BLTP1: variants seen among roughly 807,000 people sequenced by gnomAD.
BLTP1 encodes the protein bridge-like lipid transfer protein family member 1, also known as fragile site-associated protein.
At chr4:122,290,967 A>C in the BLTP1 span, 3 of 873,714 alleles carry the variant, frequency 3.4e-6, no homozygotes, top group East Asian at 2.5e-4. Context: ...AAAAAAAACA[A>C]GTGTTGTGGA....
At chr4:122,190,250 C>A in the BLTP1 span, 1 of 550,944 alleles carries the variant, frequency 1.8e-6, no homozygotes, top group Non-Finnish European at 2.3e-6. Flanking sequence ...GAATATGCCA[C>A]TATGCCTGAC....
the BLTP1 span, chr4:122,239,691 G>T: frequency 6.2e-7 from 1 of 1,614,128 alleles, no homozygotes. Context: ...GCCTGTAACA[G>T]TTGGAGTCCA....
chr4:122,288,997 TC>T, the BLTP1 span: 10 of 1,337,998 alleles, frequency 7.5e-6, no homozygotes, highest in Admixed American at 2.9e-4. Flanking sequence ...GATAATTATC[TC>T]TTTTTTCCTC....
chr4:122,266,708 C>T, the BLTP1 span: 1 of 1,324,116 alleles, frequency 7.6e-7, no homozygotes, highest in Non-Finnish European at 1.0e-6. Flanking sequence ...ATAAAAGCTG[C>T]ATTTTCCTAC....
the BLTP1 span, chr4:122,350,025 T>G: frequency 6.2e-7 from 1 of 1,613,864 alleles, no homozygotes; most frequent in Admixed American, 1.7e-5. Flanking sequence ...TTCCTTACCT[T>G]CCGCCAAAGA....
chr4:122,325,200 G>C, the BLTP1 span: 1 of 1,560,024 alleles, frequency 6.4e-7, no homozygotes, highest in Middle Eastern at 1.7e-4. Flanking sequence ...TGAGAATATT[G>C]GTGTTTTATA....
At chr4:122,269,136 G>C in the BLTP1 span, 38 of 871,618 alleles carry the variant, frequency 4.4e-5, no homozygotes, top group African/African-American at 5.1e-4. Context: ...ATTTGCAAGA[G>C]ACAGCTTTCA....
chr4:122,260,642 C>T, the BLTP1 span, among the ~76,000 whole-genome samples: 1 of 151,578 alleles, frequency 6.6e-6, no homozygotes, highest in Non-Finnish European at 1.5e-5. Context: ...ATTGGTGCAA[C>T]CTCTTTGAAT....
At chr4:122,254,271 A>T in the BLTP1 span, 1 of 1,613,368 alleles carries the variant, frequency 6.2e-7, no homozygotes, top group East Asian at 2.2e-5. Context: ...TGTAGCATGA[A>T]GTTGACCATT....
At chr4:122,237,534 T>C in the BLTP1 span, 1 of 419,894 alleles carries the variant, frequency 2.4e-6, no homozygotes, top group African/African-American at 2.2e-5. Context: ...TAAATCCGAA[T>C]AGAAGATATA....
the BLTP1 span, chr4:122,286,466 C>G: frequency 4.2e-5 from 66 of 1,577,416 alleles, 1 homozygote; most frequent in Non-Finnish European, 5.0e-5. Context: ...TCTTAGATAC[C>G]CTTTTTGGAA....
chr4:122,219,498 A>G, the BLTP1 span: 2 of 1,614,034 alleles, frequency 1.2e-6, no homozygotes, highest in Non-Finnish European at 1.7e-6. Flanking sequence ...CAATTCATCC[A>G]CTTGCCTTGC....
At chr4:122,355,564 CATATGTATATATATAAAT>C in the BLTP1 span, among the ~76,000 whole-genome samples, 10 of 147,092 alleles carry the variant, frequency 6.8e-5, no homozygotes, top group African/African-American at 2.5e-4. Context: ...ATATCTATAT[CATATGTATATATATAAAT>C]ATATGTATAT....
chr4:122,159,082 A>T, the BLTP1 span, among the ~76,000 whole-genome samples: 1 of 152,122 alleles, frequency 6.6e-6, no homozygotes, highest in Non-Finnish European at 1.5e-5. Context: ...GTACTTGTGG[A>T]ACTATGTTAT....
chr4:122,247,222 G>A, the BLTP1 span: 1 of 1,613,422 alleles, frequency 6.2e-7, no homozygotes, highest in African/African-American at 1.3e-5. Flanking sequence ...TGATAGGTAT[G>A]TTCATGCCAC....
chr4:122,286,633 T>C, the BLTP1 span: 1 of 1,614,118 alleles, frequency 6.2e-7, no homozygotes, highest in East Asian at 2.2e-5. Flanking sequence ...CATTCCTCCT[T>C]CTGCCAGTCT....
At chr4:122,328,196 C>A in the BLTP1 span, 10 of 1,611,272 alleles carry the variant, frequency 6.2e-6, no homozygotes, top group African/African-American at 1.3e-4. Flanking sequence ...GTTCTGTGTT[C>A]AGTTCTCCCA....
chr4:122,255,211 A>T, the BLTP1 span: 1 of 1,613,138 alleles, frequency 6.2e-7, no homozygotes, highest in Non-Finnish European at 8.5e-7. Context: ...AAAATCCTTC[A>T]TGTTTACTAT....
At chr4:122,272,257 A>G in the BLTP1 span, 1 of 1,613,438 alleles carries the variant, frequency 6.2e-7, no homozygotes, top group Non-Finnish European at 8.5e-7. Flanking sequence ...GTAGCTTGGT[A>G]ACTTCTGAAC....
Sources: allele counts gnomAD v4.1 joint callset (sites outside exome capture counted in the v4.1 genomes callset), GRCh38; gene constraint gnomAD v4.1.1; transcripts MANE v1.5; gene names NCBI Gene and HGNC (gene_info 2026-07-23, HGNC 2026-07-21).